AGAP1: variants seen among roughly 807,000 people sequenced by gnomAD.
AGAP1 encodes the protein arf-GAP with GTPase, ANK repeat and PH domain-containing protein 1.
In AGAP1, 29 loss-of-function variants were observed where a neutral mutation model predicts 105.3. The observed-to-expected ratio is 0.28, with a 90% CI of 0.21 to 0.38. The LOEUF (loss-of-function observed/expected upper bound fraction) is 0.38. AGAP1 is among the 10% of genes least tolerant of loss of function. The pLI is 1.00. For missense variants in AGAP1, 998 were observed against 1,165.1 expected (o/e 0.86, Z 2.09); for synonymous variants, 509 against 485.9 (o/e 1.05, Z -0.63).
chr2:235,598,454 CTT>C (rs1243415847), intron 1 of AGAP1, among the ~76,000 whole-genome samples: 3 of 152,146 alleles, frequency 2.0e-5, no homozygotes, highest in Non-Finnish European at 4.4e-5. Context: ...GAGCTTAACT[CTT>C]GTTTATATCA....
chr2:235,944,186 A>C (rs1043850271), intron 12 of AGAP1, among the ~76,000 whole-genome samples: 7 of 152,206 alleles, frequency 4.6e-5, no homozygotes, highest in Non-Finnish European at 7.3e-5. Context: ...ATACTTATTT[A>C]CAGGAAACAA....
At chr2:235,812,319 G>GGCAAGCCCGCC (rs1338262893) in intron 9 of AGAP1, among the ~76,000 whole-genome samples, 1 of 152,226 alleles carries the variant, frequency 6.6e-6, no homozygotes, top group Non-Finnish European at 1.5e-5. Flanking sequence ...GCCTGCCCGG[G>GGCAAGCCCGCC]GCAAGCCCGC....
intron 1 of AGAP1, among the ~76,000 whole-genome samples, chr2:235,708,820 C>T (rs1442689820): frequency 6.6e-6 from 1 of 152,206 alleles, no homozygotes; most frequent in African/African-American, 2.4e-5. Flanking sequence ...TAGGTGTGTC[C>T]TCAAATATCT....
chr2:235,513,125 T>C (rs1216494884), intron 1 of AGAP1, among the ~76,000 whole-genome samples: 2 of 152,202 alleles, frequency 1.3e-5, no homozygotes, highest in African/African-American at 4.8e-5. Context: ...TCTAGCTTTT[T>C]CTTGCTGCTA....
In AGAP1 at chr2:235,855,680, G is replaced by A. The variant is rs1341906045; in HGVS notation, c.1051-27665G>A. ...TCCACTGTGCTGGGAAGACCGAGAG[G>A]CTGAGCAGCAGCTCCACTGAATTCA... On this transcript the variant is annotated intron_variant, in intron 9 of 17. Coordinates refer to ENST00000304032, the MANE Select transcript of AGAP1 (RefSeq NM_001037131.3). The surrounding 1 kb of genome is among the most constrained non-coding windows in gnomAD (Gnocchi z 5.0). Among the ~76,000 whole-genome samples the A allele has an allele frequency of 6.6e-6, 1 of 152,164 alleles. No individual in the cohort carries two copies. Among genetic ancestry groups the A allele is most frequent in the East Asian group, 1.9e-4 (1 of 5,186 alleles).
intron 6 of AGAP1, among the ~76,000 whole-genome samples, chr2:235,759,164 CTTTTTTTT>C (rs560528348): frequency 0.049 from 5,096 of 104,116 alleles, 381 homozygotes; most frequent in African/African-American, 0.17. Context: ...TGATGTCATT[CTTTTTTTT>C]TTTTTTTTTT....
In AGAP1 at chr2:235,930,226, C is replaced by G; in HGVS notation, c.1325-539C>G. On this transcript the variant is annotated intron_variant, in intron 11 of 17. Coordinates refer to ENST00000304032, the MANE Select transcript of AGAP1 (RefSeq NM_001037131.3). This position sits in a 1 kb window ranked among gnomAD's most constrained non-coding sequence, Gnocchi z 7.9. ...TTTTCAAGGTTAAGAGTAAACTTAT[C>G]TGGTTGAAGAGCCTGCATTTCCTCC... Among the ~76,000 whole-genome samples the G allele has an allele frequency of 6.6e-6, 1 of 152,308 alleles. No individual in the cohort carries two copies. The highest frequency in any genetic ancestry group is 1.9e-4 in the East Asian group (1 of 5,178).
intron 9 of AGAP1, among the ~76,000 whole-genome samples, chr2:235,858,591 TAAAA>T (rs896024450): frequency 1.3e-5 from 2 of 151,322 alleles, no homozygotes; most frequent in African/African-American, 4.8e-5. Context: ...TGAGAGATGA[TAAAA>T]AAAAATATGA....
rs1559350364 is a variant in AGAP1 at position 235,686,618 on chromosome 2, TA to T, written c.164-22560del. 3.2e-3 allele frequency among the ~76,000 whole-genome samples: 266 copies of T among 81,850 alleles called. 6 individuals carry two copies. The highest frequency in any genetic ancestry group is 0.012 in the African/African-American group (222 of 17,914). The allele number at this position is 81,850 out of a possible 152,430, so 53.7% of individuals were successfully genotyped here. A position where few individuals can be genotyped will look rare whatever the true frequency, so the allele number is the denominator to read the frequency against. ...GTGTGTATATATATACGTGGAGATA[TA>T]GATATATATATATATATATATATAT... On this transcript the variant is annotated intron_variant, in intron 1 of 17. Transcript: ENST00000304032.
chr2:235,764,538 C>G (rs1463772576), intron 6 of AGAP1, among the ~76,000 whole-genome samples: 1 of 152,258 alleles, frequency 6.6e-6, no homozygotes, highest in Non-Finnish European at 1.5e-5. Context: ...AACTCAGTCA[C>G]TGACAGGTCA....
chr2:235,593,891 C>T (rs1042083085), intron 1 of AGAP1, among the ~76,000 whole-genome samples: 2 of 152,014 alleles, frequency 1.3e-5, no homozygotes, highest in African/African-American at 4.8e-5. Context: ...ATCACTTGAG[C>T]CCCGGAGTTC....
chr2:235,972,929 A>T lies in AGAP1; in HGVS notation c.1645+4306A>T, dbSNP rs1484155326. ...CCAGGGAGCCCTCGCGGCTTCCTGA[A>T]CAGACCTCAGTGCCCTTCCCCAGCT... On this transcript the variant is annotated intron_variant, in intron 13 of 17. Coordinates refer to ENST00000304032, the MANE Select transcript of AGAP1 (RefSeq NM_001037131.3). Among the ~76,000 whole-genome samples, 4 of 151,938 alleles carry T rather than the reference A, an allele frequency of 2.6e-5. No homozygotes were observed. In the East Asian group the frequency reaches 7.8e-4, roughly 30 times the overall value.
At chr2:235,924,988 G>A (rs1302037599) in intron 11 of AGAP1, among the ~76,000 whole-genome samples, 2 of 152,174 alleles carry the variant, frequency 1.3e-5, no homozygotes, top group Non-Finnish European at 2.9e-5. Context: ...CTGGCTGCCA[G>A]CAACAGTGGG....
At position 235,600,321 on chromosome 2, in the gene AGAP1, C is replaced by A. The variant is rs372450792; in HGVS notation, c.163+105472C>A. Reference sequence around the variant, plus strand: ...GGAGGTGCTGGCACTACCTTTTCAGCCTGCATGGACTGTGCTGGAAACACT... The same window carrying A: ...GGAGGTGCTGGCACTACCTTTTCAGACTGCATGGACTGTGCTGGAAACACT... On this transcript the variant is annotated intron_variant, in intron 1 of 17. Coordinates refer to ENST00000304032, the MANE Select transcript of AGAP1 (RefSeq NM_001037131.3). The surrounding 1 kb of genome is among the most constrained non-coding windows in gnomAD (Gnocchi z 4.8). 7.9e-5 allele frequency among the ~76,000 whole-genome samples: 12 copies of A among 152,236 alleles called. No individual in the cohort carries two copies. Among genetic ancestry groups the A allele is most frequent in the African/African-American group, 2.9e-4 (12 of 41,524 alleles).
chr2:235,577,965 G>A lies in AGAP1; in HGVS notation c.163+83116G>A, dbSNP rs1944791460. Among the ~76,000 whole-genome samples the A allele has an allele frequency of 6.6e-6, 1 of 152,120 alleles. No homozygotes were observed. The highest frequency in any genetic ancestry group is 1.5e-5 in the Non-Finnish European group (1 of 68,036). ...GACAAGGGAGCAGTGTCTGCACAGGGGGTCTGGATCGCACCCGACACCATC... is the reference window on the plus strand; with the variant it reads ...GACAAGGGAGCAGTGTCTGCACAGGAGGTCTGGATCGCACCCGACACCATC... On this transcript the variant is annotated intron_variant, in intron 1 of 17. Transcript: ENST00000304032. This position sits in a 1 kb window ranked among gnomAD's most constrained non-coding sequence, Gnocchi z 4.5.
rs910259874 is a variant in AGAP1 at position 235,753,904 on chromosome 2, A to T, written c.673+3416A>T. ...GTTTCTTATTTGTATATGTATTTTC[A>T]TGTAAATCACAAACACTCTCATTGT... On this transcript the variant is annotated intron_variant, in intron 6 of 17. Transcript: ENST00000304032. The surrounding 1 kb of genome is among the most constrained non-coding windows in gnomAD (Gnocchi z 4.5). Among the ~76,000 whole-genome samples, 1 of 152,192 alleles carries T rather than the reference A, an allele frequency of 6.6e-6. No homozygotes were observed. The highest frequency in any genetic ancestry group is 2.4e-5 in the African/African-American group (1 of 41,446).
rs1953069792 is a variant in AGAP1 at position 235,747,650 on chromosome 2, A to C, written c.539-2704A>C. 6.6e-6 allele frequency among the ~76,000 whole-genome samples: 1 copy of C among 152,206 alleles called. No homozygotes were observed. The highest frequency in any genetic ancestry group is 1.5e-5 in the Non-Finnish European group (1 of 68,042). On this transcript the variant is annotated intron_variant, in intron 5 of 17. Coordinates refer to ENST00000304032, the MANE Select transcript of AGAP1 (RefSeq NM_001037131.3). The surrounding 1 kb of genome is among the most constrained non-coding windows in gnomAD (Gnocchi z 5.0). Reference sequence around the variant, plus strand: ...GCACCCCAGAAAGCCTGATGGCAGGAAGCTGGCATGCACGTGGGCTCTGAG... The same window carrying C: ...GCACCCCAGAAAGCCTGATGGCAGGCAGCTGGCATGCACGTGGGCTCTGAG...
intron 1 of AGAP1, among the ~76,000 whole-genome samples, chr2:235,558,662 G>A (rs1220730886): frequency 6.6e-6 from 1 of 152,148 alleles, no homozygotes; most frequent in Admixed American, 6.5e-5. Flanking sequence ...ACAATGTTAT[G>A]GGATGGGGAC....
chr2:235,510,810 T>C (rs1359232039), intron 1 of AGAP1, among the ~76,000 whole-genome samples: 1 of 151,280 alleles, frequency 6.6e-6, no homozygotes, highest in Middle Eastern at 3.2e-3. Context: ...GCTATAGGAG[T>C]GAGGCTGAGG....
Sources: allele counts gnomAD v4.1 joint callset (sites outside exome capture counted in the v4.1 genomes callset), GRCh38; gene constraint gnomAD v4.1.1; non-coding constraint Gnocchi (gnomAD v3.1); transcripts MANE v1.5; gene names NCBI Gene and HGNC (gene_info 2026-07-23, HGNC 2026-07-21).